The following ITFG1 variants were observed in gnomAD, a reference collection of about 807,000 sequenced individuals.
The protein encoded by ITFG1 is T-cell immunomodulatory protein.
In ITFG1, 34 loss-of-function variants were observed where a neutral mutation model predicts 81.8. The ratio of observed to expected loss-of-function variants is 0.42; its 90% CI spans 0.32 to 0.55. The LOEUF (loss-of-function observed/expected upper bound fraction) is 0.55, where lower values mean the gene tolerates loss of function less well. Ranked by LOEUF, ITFG1 falls within the 20% of genes least tolerant of loss-of-function variation. ITFG1 has a pLI of 0.17. For missense variants in ITFG1, 672 were observed against 755.4 expected, an observed-to-expected ratio of 0.89 and a Z score of 1.29; for synonymous variants, 285 against 270.6, an observed-to-expected ratio of 1.05 and a Z score of -0.52.
intron 14 of ITFG1, among the ~76,000 whole-genome samples, chr16:47,176,348 A>G (rs1428744734): frequency 1.3e-5 from 2 of 152,242 alleles, no homozygotes; most frequent in Admixed American, 1.3e-4. Flanking sequence ...TGAGTAAGAG[A>G]ATCAGATAAA....
At chr16:47,188,933 T>G (rs1235317459) in intron 14 of ITFG1, among the ~76,000 whole-genome samples, 3 of 152,050 alleles carry the variant, frequency 2.0e-5, no homozygotes, top group Non-Finnish European at 4.4e-5. Context: ...CCCAGCTAAT[T>G]TTTGTATTTT....
At chr16:47,401,098 G>C (rs1273794998) in intron 6 of ITFG1, among the ~76,000 whole-genome samples, 2 of 152,160 alleles carry the variant, frequency 1.3e-5, no homozygotes, top group Non-Finnish European at 2.9e-5. Context: ...AGCTGCAATG[G>C]AATGCACAGA....
At chr16:47,372,057 C>T (rs1414420031) in intron 7 of ITFG1, among the ~76,000 whole-genome samples, 7 of 151,840 alleles carry the variant, frequency 4.6e-5, no homozygotes, top group East Asian at 1.9e-4. Flanking sequence ...GGACTACAGG[C>T]GCCCGCCACC....
At chr16:47,171,780 T>C (rs1471649619) in intron 14 of ITFG1, among the ~76,000 whole-genome samples, 1 of 152,228 alleles carries the variant, frequency 6.6e-6, no homozygotes, top group Non-Finnish European at 1.5e-5. Flanking sequence ...ATATGTCTTA[T>C]CTTCCTTAAG....
chr16:47,365,717 T>G (rs1567475603), intron 8 of ITFG1, 71 bp downstream of exon 8: 1 of 912,126 alleles, frequency 1.1e-6, no homozygotes, highest in African/African-American at 1.7e-5. Flanking sequence ...GGAATTAATA[T>G]AAATAGAACA....
At chr16:47,191,187 A>G (rs1965287786) in intron 14 of ITFG1, among the ~76,000 whole-genome samples, 1 of 151,828 alleles carries the variant, frequency 6.6e-6, no homozygotes, top group African/African-American at 2.4e-5. Context: ...TTTTCTCCTC[A>G]CTTTTCAGTT....
At chr16:47,458,209 A>G (rs965722387) in intron 2 of ITFG1, among the ~76,000 whole-genome samples, 1 of 152,172 alleles carries the variant, frequency 6.6e-6, no homozygotes, top group African/African-American at 2.4e-5. Flanking sequence ...TTGTATCTGA[A>G]GGCTCCCAGT....
intron 10 of ITFG1, among the ~76,000 whole-genome samples, chr16:47,270,140 T>C (rs1317191177): frequency 2.0e-5 from 3 of 152,260 alleles, no homozygotes; most frequent in East Asian, 3.9e-4. Flanking sequence ...GGGCAAAACA[T>C]TGTGTTAGGT....
chr16:47,171,350 T>C (rs1267358039), intron 14 of ITFG1, among the ~76,000 whole-genome samples: 2 of 152,178 alleles, frequency 1.3e-5, no homozygotes, highest in African/African-American at 2.4e-5. Flanking sequence ...TATAGTATTA[T>C]CAATCCTTTT....
chr16:47,203,639 A>G (rs1364380587), intron 14 of ITFG1, among the ~76,000 whole-genome samples: 1 of 152,196 alleles, frequency 6.6e-6, no homozygotes, highest in Admixed American at 6.5e-5. Context: ...AATCTAATGC[A>G]GCGGCTGATC....
intron 6 of ITFG1, among the ~76,000 whole-genome samples, chr16:47,400,285 A>G (rs772092447): frequency 2.2e-4 from 34 of 152,142 alleles, no homozygotes; most frequent in Non-Finnish European, 4.4e-4. Flanking sequence ...GTGCTTTGGG[A>G]GGCCAAGGTG....
At chr16:47,390,804 T>C (rs934250825) in intron 6 of ITFG1, among the ~76,000 whole-genome samples, 4 of 152,104 alleles carry the variant, frequency 2.6e-5, no homozygotes, top group Non-Finnish European at 4.4e-5. Context: ...CTGTATAAGG[T>C]ATTACTTTAA....
At chr16:47,210,764 G>T (rs921778110) in intron 14 of ITFG1, among the ~76,000 whole-genome samples, 17 of 152,078 alleles carry the variant, frequency 1.1e-4, no homozygotes, top group Non-Finnish European at 2.4e-4. Flanking sequence ...AGGCATGTTT[G>T]TATGGGCTTA....
intron 5 of ITFG1, among the ~76,000 whole-genome samples, chr16:47,438,388 C>G (rs897280517): frequency 1.3e-5 from 2 of 152,218 alleles, no homozygotes; most frequent in African/African-American, 4.8e-5. Context: ...AGACTGCCTC[C>G]TCAAGTGGGT....
At chr16:47,222,085 C>T (rs1238286683) in intron 13 of ITFG1, among the ~76,000 whole-genome samples, 2 of 151,878 alleles carry the variant, frequency 1.3e-5, no homozygotes, top group East Asian at 3.9e-4. Flanking sequence ...TCTCTATTTC[C>T]TTCAGTTCTG....
At chr16:47,358,298 A>C (rs1274542615) in intron 8 of ITFG1, among the ~76,000 whole-genome samples, 4 of 152,214 alleles carry the variant, frequency 2.6e-5, no homozygotes, top group African/African-American at 9.7e-5. Flanking sequence ...TTAACTGATT[A>C]TGATGACTTC....
At chr16:47,327,004 C>T (rs1251705645) in intron 8 of ITFG1, among the ~76,000 whole-genome samples, 2 of 152,128 alleles carry the variant, frequency 1.3e-5, no homozygotes, top group Non-Finnish European at 2.9e-5. Context: ...CAAAAAAGAG[C>T]CCGCATCGCC....
At chr16:47,441,696 A>G (rs983860826) in intron 5 of ITFG1, among the ~76,000 whole-genome samples, 2 of 152,156 alleles carry the variant, frequency 1.3e-5, no homozygotes, top group Non-Finnish European at 2.9e-5. Flanking sequence ...AATAAGAGCT[A>G]TCTATGACAA....
intron 14 of ITFG1, among the ~76,000 whole-genome samples, chr16:47,174,254 T>C (rs1452004134): frequency 6.6e-6 from 1 of 152,120 alleles, no homozygotes; most frequent in Non-Finnish European, 1.5e-5. Flanking sequence ...AGGCAAGATA[T>C]TGAAGCCAAC....
Sources: allele counts gnomAD v4.1 joint callset (sites outside exome capture counted in the v4.1 genomes callset), GRCh38; gene constraint gnomAD v4.1.1; transcripts MANE v1.5; gene names NCBI Gene and HGNC (gene_info 2026-07-23, HGNC 2026-07-21).